The following TG variants were observed in gnomAD, a reference collection of about 807,000 sequenced individuals.
TG encodes the protein thyroid hormones.
TG carries 270 observed loss-of-function variants against 324.7 expected under a neutral mutation model. The observed-to-expected ratio is 0.83, with a 90% CI of 0.75 to 0.92. The LOEUF (loss-of-function observed/expected upper bound fraction) is 0.92. Among genes scored for constraint, TG ranks in the 40% least tolerant of loss-of-function variants. TG has a pLI of 0.00. For synonymous variants in TG, 1,401 were observed against 1,327.0 expected (o/e 1.06, Z -1.21); for missense variants, 3,591 against 3,456.4 (o/e 1.04, Z -0.98).
At chr8:132,958,725 T>C (rs1212704105) in intron 27 of TG, among the ~76,000 whole-genome samples, 2 of 141,810 alleles carry the variant, frequency 1.4e-5, no homozygotes, top group African/African-American at 2.5e-5. Context: ...AAAAAAAGTT[T>C]CAAAAAAATT....
At chr8:132,928,540 G>T (rs952739802) in intron 22 of TG, among the ~76,000 whole-genome samples, 1 of 152,132 alleles carries the variant, frequency 6.6e-6, no homozygotes, top group African/African-American at 2.4e-5. Flanking sequence ...CTATCAAATG[G>T]AACTCAAGTG....
At chr8:133,072,871 A>G (rs908451357) in intron 41 of TG, 10 of 152,246 alleles carry the variant, frequency 6.6e-5, no homozygotes, top group African/African-American at 2.4e-4. Flanking sequence ...AGGAACAAGC[A>G]GAAATACATA....
chr8:133,127,035 A>G (rs891556013), intron 45 of TG, among the ~76,000 whole-genome samples: 17 of 152,280 alleles, frequency 1.1e-4, no homozygotes. Context: ...ATGGGCCGGA[A>G]TGCCCATCTG....
At position 132,866,990 on chromosome 8, in the gene TG, G is replaced by A. The variant is rs766420313; in HGVS notation, c.-11G>A. 1.3e-6 allele frequency: 2 copies of A among 1,586,742 alleles called. No individual in the cohort carries two copies. The highest frequency in any genetic ancestry group is 2.3e-5 in the South Asian group (2 of 87,356). ...GGTTTCTCCTCCTTCCTCCCAGGAAGGGCCAGGAAAATGGCCCTGGTCCTG... is the reference window on the plus strand; with the variant it reads ...GGTTTCTCCTCCTTCCTCCCAGGAAAGGCCAGGAAAATGGCCCTGGTCCTG... On this transcript the variant is annotated 5_prime_UTR_variant, in exon 1 of 48. Transcript: ENST00000220616.
intron 29 of TG, chr8:132,964,835 C>T (rs763117044): frequency 5.5e-5 from 38 of 696,616 alleles, no homozygotes; most frequent in Admixed American, 1.2e-4. Flanking sequence ...GGACAGGTGT[C>T]GGTTGCAGTG....
In TG at chr8:133,098,979, A is replaced by G. The variant is rs545013061; in HGVS notation, c.7572+2606A>G. On this transcript the variant is annotated intron_variant, in intron 43 of 47. Transcript: ENST00000220616. ...CCAGCCAGAGACCTGAATCCAGAGG[A>G]CTGGGATCTCTACTCAAGGATGCAT... Among the ~76,000 whole-genome samples the G allele has an allele frequency of 3.9e-5, 6 of 152,338 alleles. No individual in the cohort carries two copies. In the East Asian group the frequency reaches 1.2e-3, roughly 29 times the overall value.
intron 35 of TG, chr8:132,988,817 T>G (rs776472340): frequency 1.4e-5 from 14 of 985,298 alleles, no homozygotes; most frequent in Non-Finnish European, 1.7e-5. Flanking sequence ...TTCCCAAATG[T>G]GGGATCTCCT....
chr8:133,128,458 C>T (rs1279193870), intron 45 of TG, among the ~76,000 whole-genome samples: 2 of 151,828 alleles, frequency 1.3e-5, no homozygotes, highest in Non-Finnish European at 1.5e-5. Flanking sequence ...ACTTCAGCAA[C>T]CTTAACTCTT....
intron 43 of TG, among the ~76,000 whole-genome samples, chr8:133,104,211 G>T (rs543957379): frequency 6.6e-6 from 1 of 152,202 alleles, no homozygotes; most frequent in African/African-American, 2.4e-5. Context: ...AAGTCAGAGG[G>T]ATGAAGAAGA....
intron 37 of TG, 101 bp downstream of exon 37, chr8:133,013,865 G>C (rs1834767677): frequency 6.8e-7 from 1 of 1,477,388 alleles, no homozygotes; most frequent in South Asian, 1.2e-5. Context: ...GCTTTTGTTG[G>C]CCAAAGTTCT....
At position 133,044,854 on chromosome 8, in the gene TG, A is replaced by G. The variant is rs190334347; in HGVS notation, c.7239+14831A>G. The G allele has an allele frequency of 8.8e-3, 7,597 of 862,988 alleles. 49 individuals carry two copies. Among genetic ancestry groups the G allele is most frequent in the Non-Finnish European group, 0.012 (6,553 of 533,304 alleles). The allele number at this position is 862,988 out of a possible 1,614,324, so 53.5% of individuals were successfully genotyped here. On this transcript the variant is annotated intron_variant, in intron 41 of 47. Coordinates refer to ENST00000220616, the MANE Select transcript of TG (RefSeq NM_003235.5). ...CTGAAATTTACAGTCTGAATTAACGAGAGAGCATATCATGAAGGCAGCATA... is the reference window on the plus strand; with the variant it reads ...CTGAAATTTACAGTCTGAATTAACGGGAGAGCATATCATGAAGGCAGCATA...
At chr8:133,120,542 C>G (rs896587964) in intron 45 of TG, among the ~76,000 whole-genome samples, 6 of 152,204 alleles carry the variant, frequency 3.9e-5, no homozygotes, top group Non-Finnish European at 8.8e-5. Context: ...GTTCCGGCCT[C>G]TCTCTTAGCC....
At chr8:133,041,918 G>A (rs1004266153) in intron 41 of TG, among the ~76,000 whole-genome samples, 4 of 151,540 alleles carry the variant, frequency 2.6e-5, no homozygotes, top group Non-Finnish European at 2.9e-5. Context: ...CTCCCGAGTA[G>A]CTGGGATTAC....
intron 41 of TG, chr8:133,047,673 C>G (rs1436145597): frequency 3.1e-6 from 2 of 648,526 alleles, no homozygotes; most frequent in African/African-American, 3.6e-5. Flanking sequence ...TCCCCACTGG[C>G]CTCCCCAGCA....
chr8:133,041,388 T>C (rs1026578718), intron 41 of TG, among the ~76,000 whole-genome samples: 5 of 152,232 alleles, frequency 3.3e-5, no homozygotes, highest in African/African-American at 1.2e-4. Context: ...CCTCGTTTCA[T>C]GGTTTTCAGT....
At chr8:133,049,659 A>G (rs1801750342) in intron 41 of TG, 3 of 505,286 alleles carry the variant, frequency 5.9e-6, no homozygotes, top group South Asian at 2.1e-5. Flanking sequence ...CAGGAGCACC[A>G]TGTTAGAGCT....
At chr8:132,983,469 T>A (rs945400661) in intron 35 of TG, 57 bp downstream of exon 35, 4 of 1,523,502 alleles carry the variant, frequency 2.6e-6, no homozygotes, top group Non-Finnish European at 3.6e-6. Context: ...TCATCTTCTT[T>A]CTCCTCTTCC....
At chr8:132,924,704 C>T (rs1354290549) in intron 22 of TG, among the ~76,000 whole-genome samples, 1 of 152,128 alleles carries the variant, frequency 6.6e-6, no homozygotes, top group Non-Finnish European at 1.5e-5. Context: ...CCCAGTGGTG[C>T]CTTTACTGGC....
chr8:133,067,666 C>T lies in TG; in HGVS notation c.7240-27378C>T, dbSNP rs943707234. On this transcript the variant is annotated intron_variant, in intron 41 of 47. Transcript: ENST00000220616. ...TGGCAGCTTCCTGTAATCCCAGTTA[C>T]TCAGGAGGCTGAGGCAGGAGAATCA... Among the ~76,000 whole-genome samples, 12 of 152,138 alleles carry T rather than the reference C, an allele frequency of 7.9e-5. No individual in the cohort carries two copies. In the South Asian group the frequency reaches 1.5e-3, roughly 18 times the overall value.
Sources: allele counts gnomAD v4.1 joint callset (sites outside exome capture counted in the v4.1 genomes callset), GRCh38; gene constraint gnomAD v4.1.1; transcripts MANE v1.5; gene names NCBI Gene and HGNC (gene_info 2026-07-23, HGNC 2026-07-21).